BICD2: variants seen among roughly 807,000 people sequenced by gnomAD.
The protein encoded by BICD2 is protein bicaudal D homolog 2.
BICD2 carries 25 observed loss-of-function variants against 72.9 expected under a neutral mutation model. The ratio of observed to expected loss-of-function variants is 0.34; its 90% CI spans 0.25 to 0.48. BICD2 has a LOEUF of 0.48. BICD2 is among the 20% of genes least tolerant of loss of function. BICD2 has a pLI of 0.99. For missense variants in BICD2, 894 were observed against 1,175.2 expected (o/e 0.76, Z 3.50); for synonymous variants, 501 against 516.1 (o/e 0.97, Z 0.40).
intron 1 of BICD2, among the ~76,000 whole-genome samples, chr9:92,737,716 C>G (rs1200873760): frequency 6.6e-6 from 1 of 152,228 alleles, no homozygotes; most frequent in Non-Finnish European, 1.5e-5. Context: ...GGCACACCCA[C>G]CACCTTAGAA....
chr9:92,716,412 C>T (rs1050316318), intron 6 of BICD2, among the ~76,000 whole-genome samples: 19 of 152,292 alleles, frequency 1.2e-4, no homozygotes, highest in Admixed American at 5.2e-4. Flanking sequence ...GAAGACAGGA[C>T]GCTTCCAGAG....
Position 92,735,448 on chromosome 9 carries a change from C to T in BICD2, c.241-6212G>A, listed in dbSNP as rs577490837. 2.4e-4 allele frequency among the ~76,000 whole-genome samples: 37 copies of T among 151,998 alleles called. 1 individual carries two copies. The highest frequency in any genetic ancestry group is 8.7e-4 in the African/African-American group (36 of 41,472). Reference sequence around the variant, plus strand: ...CAAAAACCACATGGGGTGGGAAGGCCAGCCTCATCTGAGGGAATAGCACGA... The same window carrying T: ...CAAAAACCACATGGGGTGGGAAGGCTAGCCTCATCTGAGGGAATAGCACGA... On this transcript the variant is annotated intron_variant, in intron 1 of 6. Transcript: ENST00000356884.
chr9:92,755,300 A>G (rs913413681), intron 1 of BICD2, among the ~76,000 whole-genome samples: 2 of 152,202 alleles, frequency 1.3e-5, no homozygotes, highest in South Asian at 2.1e-4. Context: ...ATCAATAACA[A>G]TGGTGCCCGA....
chr9:92,726,158 A>G (rs1352549586), intron 2 of BICD2, among the ~76,000 whole-genome samples: 1 of 152,226 alleles, frequency 6.6e-6, no homozygotes, highest in African/African-American at 2.4e-5. Flanking sequence ...CCTTAGGCAC[A>G]TGATGGAACC....
In BICD2 at chr9:92,713,427, CG is replaced by C. The variant is rs1853232211; in HGVS notation, c.*1726del. ...GGAAGGGGCTGCAGTGTGACAGGGC[CG>C]GGTGGCCAAGTCCTCCTGGCAGCTA... is the stretch of plus-strand genomic sequence containing the variant. On this transcript the variant is annotated 3_prime_UTR_variant, in exon 7 of 7. Coordinates refer to ENST00000356884, the MANE Select transcript of BICD2 (RefSeq NM_001003800.2). 1 of 1,584,138 alleles carries C rather than the reference CG, an allele frequency of 6.3e-7. No homozygotes were observed. The highest frequency in any genetic ancestry group is 1.8e-5 in the Admixed American group (1 of 56,996).
At chr9:92,747,720 C>G (rs555189433) in intron 1 of BICD2, among the ~76,000 whole-genome samples, 96 of 152,342 alleles carry the variant, frequency 6.3e-4, no homozygotes, top group African/African-American at 2.2e-3. Context: ...GCCTCTCACA[C>G]GGGAAGGGTT....
At chr9:92,739,906 T>A (rs1487555866) in intron 1 of BICD2, among the ~76,000 whole-genome samples, 2 of 152,174 alleles carry the variant, frequency 1.3e-5, no homozygotes, top group African/African-American at 2.4e-5. Context: ...CTGCCCTGCA[T>A]AGCCAGGACT....
At position 92,714,849 on chromosome 9, in the gene BICD2, G is replaced by A. The variant is rs981497060; in HGVS notation, c.*305C>T. The A allele has an allele frequency of 1.7e-4, 194 of 1,129,006 alleles. No homozygotes were observed. Among genetic ancestry groups the A allele is most frequent in the Admixed American group, 2.9e-4 (6 of 20,474 alleles). The allele number at this position is 1,129,006 out of a possible 1,614,324, so 69.9% of individuals were successfully genotyped here. On this transcript the variant is annotated 3_prime_UTR_variant, in exon 7 of 7. Coordinates refer to ENST00000356884, the MANE Select transcript of BICD2 (RefSeq NM_001003800.2). ...CTCCCTTGGGTTTCCCCACGGGTGC[G>A]CAGGGCTTAGAAGATGCTTTCATCA...
At position 92,714,399 on chromosome 9, in the gene BICD2, A is replaced by G; in HGVS notation, c.*755T>C. Reference sequence around the variant, plus strand: ...CACTTGGAAAGCTTTTCTCATGAAAAATGAAAACCTGGGGCCTTGGGCCCT... The same window carrying G: ...CACTTGGAAAGCTTTTCTCATGAAAGATGAAAACCTGGGGCCTTGGGCCCT... On this transcript the variant is annotated 3_prime_UTR_variant, in exon 7 of 7. Coordinates refer to ENST00000356884, the MANE Select transcript of BICD2 (RefSeq NM_001003800.2). 1 of 985,504 alleles carries G rather than the reference A, an allele frequency of 1.0e-6. No homozygotes were observed. The highest frequency in any genetic ancestry group is 1.7e-5 in the African/African-American group (1 of 57,372). 61.0% of individuals were successfully genotyped at this position (985,504 alleles called of 1,614,324 possible).
At chr9:92,746,151 G>A (rs368145304) in intron 1 of BICD2, among the ~76,000 whole-genome samples, 11 of 152,174 alleles carry the variant, frequency 7.2e-5, no homozygotes, top group Non-Finnish European at 1.3e-4. Context: ...GGCAAAGCAC[G>A]AGTGAAAGGA....
chr9:92,751,422 G>A (rs990650728), intron 1 of BICD2, among the ~76,000 whole-genome samples: 4 of 152,128 alleles, frequency 2.6e-5, no homozygotes, highest in African/African-American at 9.7e-5. Context: ...AGGATTACAG[G>A]TGTGAGCCAC....
In BICD2 at chr9:92,719,427, C is replaced by G. The variant is rs766185586; in HGVS notation, c.1218G>C (p.Arg406=). ...ALRRLQASKE[R]QTALDNEKDR... is the part of the protein sequence containing the mutation. The stretch of plus-strand genomic sequence containing the variant: ...CCTTCTCGTTGTCCAGGGCTGTCTG[C>G]CGCTCCTTGCTGGCCTGCAGGCGCC... The change falls in exon 5 of 7, where the codon CGG becomes CGC. Residue 406 remains arginine (R), a synonymous_variant. Transcript: ENST00000356884. 1 of 1,614,178 alleles carries G rather than the reference C, an allele frequency of 6.2e-7. No individual in the cohort carries two copies. Among genetic ancestry groups the G allele is most frequent in the Non-Finnish European group, 8.5e-7 (1 of 1,180,048 alleles).
chr9:92,718,781 G>A lies in BICD2; in HGVS notation c.1864C>T (p.Arg622Trp), dbSNP rs1445290655. The change falls in exon 5 of 7, where the codon CGG (arginine) becomes TGG (tryptophan). Residue 622 changes from arginine to tryptophan, a missense_variant. Physicochemically the swap from Arg to Trp is moderately radical, Grantham distance 101. This residue lies in a region of BICD2 where 321 missense variants were observed against 443.9 expected (regional missense o/e 0.72). Coordinates refer to ENST00000356884, the MANE Select transcript of BICD2 (RefSeq NM_001003800.2). ...AGGTTGTAGATGTTCATGGGCTCCC[G>A]GCGTGGGTCACTCAGGGGTGATGGC... The part of the protein sequence containing the change: ...SLPSPLSDPR[R>W]EPMNIYNLIA... 13 of 1,613,756 alleles carry A rather than the reference G, an allele frequency of 8.1e-6. 1 individual carries two copies. Among genetic ancestry groups the A allele is most frequent in the Admixed American group, 3.3e-5 (2 of 60,004 alleles).
Position 92,718,843 on chromosome 9 carries a change from CCA to C in BICD2, c.1800_1801del (p.Gly601AspfsTer18), listed in dbSNP as rs755838699. ...AGGCGAGGGGCTGCTGTCCCCCGTC[CCA>C]CCATCTGCTCGGCCCGCCTCAGGAG... On this transcript the variant is annotated frameshift_variant, in exon 5 of 7. Transcript: ENST00000356884. LOFTEE classifies it high-confidence loss of function. 3.1e-6 allele frequency: 5 copies of C among 1,608,200 alleles called. No individual in the cohort carries two copies. The South Asian group carries it at 5.5e-5, about 18-fold the overall frequency.
chr9:92,744,935 T>C (rs575399313), intron 1 of BICD2, among the ~76,000 whole-genome samples: 2 of 152,322 alleles, frequency 1.3e-5, no homozygotes, highest in Non-Finnish European at 2.9e-5. Context: ...ACTTAAAATC[T>C]ATACATTTTA....
rs545534653 is a variant in BICD2 at position 92,755,795 on chromosome 9, G to T, written c.240+8710C>A. Among the ~76,000 whole-genome samples, 24 of 152,326 alleles carry T rather than the reference G, an allele frequency of 1.6e-4. No individual in the cohort carries two copies. The South Asian group carries it at 4.3e-3, about 28-fold the overall frequency. ...TGAGGAAGAAGGGCAGAGCAAAGCA[G>T]ATGGGGAGCCCAGGCAGCAGGCAAC... On this transcript the variant is annotated intron_variant, in intron 1 of 6. Transcript: ENST00000356884.
chr9:92,761,432 T>C (rs988943815), intron 1 of BICD2, among the ~76,000 whole-genome samples: 1 of 152,092 alleles, frequency 6.6e-6, no homozygotes, highest in Non-Finnish European at 1.5e-5. Context: ...ACAATGGTGC[T>C]CCAGAGCTTG....
intron 2 of BICD2, among the ~76,000 whole-genome samples, chr9:92,724,183 G>A (rs1023422475): frequency 5.9e-5 from 9 of 152,142 alleles, no homozygotes; most frequent in East Asian, 1.9e-4. Flanking sequence ...TCCATCTTGC[G>A]GGCCCCATAG....
rs867626638 is a variant in BICD2 at position 92,723,430 on chromosome 9, C to T, written c.454-622G>A. ...TGCTACAACATGAATGACCCGTGAA[C>T]ACATTCTGCTGAGTGAAAGAAGGCC... On this transcript the variant is annotated intron_variant, in intron 2 of 6. Coordinates refer to ENST00000356884, the MANE Select transcript of BICD2 (RefSeq NM_001003800.2). Among the ~76,000 whole-genome samples the T allele has an allele frequency of 2.0e-5, 3 of 152,348 alleles. No individual in the cohort carries two copies. In the South Asian group the frequency reaches 6.2e-4, roughly 32 times the overall value.
Sources: gnomAD v4.1 joint callset for allele counts (sites outside exome capture counted in the v4.1 genomes callset) on GRCh38, gnomAD v4.1.1 for gene constraint, gnomAD v4.1.1 regional missense constraint, MANE v1.5 for transcripts, NCBI Gene and HGNC (gene_info 2026-07-23, HGNC 2026-07-21) for gene names.